The following SCGB2B2 variants were observed in gnomAD, a reference collection of about 807,000 sequenced individuals.
The protein encoded by SCGB2B2 is secretoglobin-like protein.
In SCGB2B2, 11 loss-of-function variants were observed where a neutral mutation model predicts 7.6. The observed-to-expected ratio is 1.45, with a 90% CI of 0.91 to 2.40. SCGB2B2 has a LOEUF of 2.40. Ranked by LOEUF, SCGB2B2 falls within the 30% of genes most tolerant of loss-of-function variation. The probability of loss-of-function intolerance (pLI) is 0.00; values close to 1 mark genes in which losing one functional copy is unlikely to be tolerated. For synonymous variants in SCGB2B2, 50 were observed against 48.6 expected (o/e 1.03, Z -0.12); for missense variants, 104 against 115.4 (o/e 0.90, Z 0.45).
chr19:34,629,580 C>T (rs956030178), intron 1 of SCGB2B2, among the ~76,000 whole-genome samples: 2 of 151,876 alleles, frequency 1.3e-5, no homozygotes, highest in Admixed American at 6.6e-5. Flanking sequence ...AGGACCTCTT[C>T]AAGGAGAACT....
chr19:34,593,592 A>T lies in SCGB2B2; in HGVS notation c.254T>A (p.Ile85Asn). The T allele has an allele frequency of 6.4e-7, 1 of 1,553,054 alleles. No homozygotes were observed. Among genetic ancestry groups the T allele is most frequent in the Non-Finnish European group, 8.7e-7 (1 of 1,147,718 alleles). Residue 85 changes from isoleucine (I) to asparagine (N), a missense_variant, in exon 4 of 4, where the codon ATC (isoleucine) becomes AAC (asparagine). Coordinates refer to ENST00000601241, the MANE Select transcript of SCGB2B2 (RefSeq NM_001025591.4). ...TTCTATGCAATCGTTGCTCTGAAGGATCTTCTTCTGTTGGAAAAAGAAGAA... is the reference window on the plus strand; with the variant it reads ...TTCTATGCAATCGTTGCTCTGAAGGTTCTTCTTCTGTTGGAAAAAGAAGAA... ...RFAHSVVIKK[I>N]LQSNDCIEAA... is the part of the protein sequence containing the mutation.
intron 2 of SCGB2B2, 39 bp downstream of exon 2, chr19:34,594,464 G>T (rs1438207698): frequency 1.2e-6 from 2 of 1,608,216 alleles, no homozygotes; most frequent in Non-Finnish European, 1.7e-6. Context: ...AAGGAGCAGG[G>T]CCACCGCTTC....
At position 34,663,990 on chromosome 19, in the gene SCGB2B2, C is replaced by A. The variant is rs574827861; in HGVS notation, c.-2032+11640G>T. On this transcript the variant is annotated intron_variant, in intron 1 of 3. Coordinates refer to ENST00000601241, the MANE Select transcript of SCGB2B2 (RefSeq NM_001025591.4). ...CTCCCCGCCCACCCCACCCCTCCCC[C>A]ATGGGACACCTCTGCTAAGGGACTA... 1.8e-3 allele frequency among the ~76,000 whole-genome samples: 264 copies of A among 149,562 alleles called. 1 individual carries two copies. The highest frequency in any genetic ancestry group is 0.014 in the Middle Eastern group (4 of 292).
At chr19:34,667,281 T>A (rs796382555) in intron 1 of SCGB2B2, among the ~76,000 whole-genome samples, 12 of 152,114 alleles carry the variant, frequency 7.9e-5, no homozygotes, top group African/African-American at 2.9e-4. Context: ...CTATCCCTCC[T>A]TCCCAGAAGA....
At chr19:34,617,364 G>A (rs1451236672) in intron 1 of SCGB2B2, among the ~76,000 whole-genome samples, 2 of 151,432 alleles carry the variant, frequency 1.3e-5, no homozygotes, top group African/African-American at 4.9e-5. Context: ...ATTTCATTGA[G>A]CAGTGGTTTG....
At chr19:34,667,704 G>A (rs1251626064) in intron 1 of SCGB2B2, among the ~76,000 whole-genome samples, 1 of 151,992 alleles carries the variant, frequency 6.6e-6, no homozygotes, top group Non-Finnish European at 1.5e-5. Flanking sequence ...TTGTTTGTGC[G>A]TTTTCCCCAA....
intron 1 of SCGB2B2, chr19:34,646,312 C>T (rs73042026): frequency 0.1 from 16,003 of 155,350 alleles, 938 homozygotes; most frequent in East Asian, 0.22. Flanking sequence ...CGGGAGAGGC[C>T]CAGGGACACA....
intron 1 of SCGB2B2, among the ~76,000 whole-genome samples, chr19:34,619,468 G>A (rs1023623572): frequency 3.9e-5 from 6 of 152,122 alleles, no homozygotes; most frequent in African/African-American, 1.2e-4. Context: ...TCTTAACTAA[G>A]AGGATGGTAA....
chr19:34,639,135 A>G (rs973198682), intron 1 of SCGB2B2, among the ~76,000 whole-genome samples: 1 of 152,160 alleles, frequency 6.6e-6, no homozygotes, highest in African/African-American at 2.4e-5. Flanking sequence ...AATCCATGGG[A>G]CCATAATCTG....
At chr19:34,670,765 T>C (rs1297787594) in intron 1 of SCGB2B2, among the ~76,000 whole-genome samples, 3 of 152,256 alleles carry the variant, frequency 2.0e-5, no homozygotes, top group African/African-American at 7.2e-5. Flanking sequence ...TTTTCTTTGA[T>C]TGAACATGTT....
chr19:34,631,601 G>A lies in SCGB2B2; in HGVS notation c.-2031-35007C>T, dbSNP rs367736411. ...ATACACTGAAACTATAAAAGATTGC[G>A]GAGAAAAATTAAAGATCTAAATAAA... On this transcript the variant is annotated intron_variant, in intron 1 of 3. Transcript: ENST00000601241. Among the ~76,000 whole-genome samples the A allele has an allele frequency of 5.2e-4, 79 of 152,058 alleles. 1 individual carries two copies. The highest frequency in any genetic ancestry group is 1.5e-3 in the African/African-American group (62 of 41,494).
intron 1 of SCGB2B2, among the ~76,000 whole-genome samples, chr19:34,641,677 A>T (rs1006032436): frequency 2.0e-4 from 30 of 152,040 alleles, no homozygotes; most frequent in Non-Finnish European, 4.0e-4. Flanking sequence ...GTTTTGGTTG[A>T]TCTTCTGTTA....
intron 1 of SCGB2B2, among the ~76,000 whole-genome samples, chr19:34,615,367 C>T (rs938317813): frequency 6.6e-6 from 1 of 151,840 alleles, no homozygotes; most frequent in Non-Finnish European, 1.5e-5. Context: ...TTTACCTTCT[C>T]ACTGAATTAG....
intron 1 of SCGB2B2, among the ~76,000 whole-genome samples, chr19:34,673,578 G>A (rs1456103714): frequency 2.0e-5 from 3 of 152,046 alleles, no homozygotes; most frequent in African/African-American, 7.3e-5. Flanking sequence ...CTTATATAGG[G>A]GTCTTATCTA....
intron 1 of SCGB2B2, among the ~76,000 whole-genome samples, chr19:34,603,557 T>A (rs887681550): frequency 6.6e-6 from 1 of 152,144 alleles, no homozygotes; most frequent in South Asian, 2.1e-4. Context: ...TTCTCATTGA[T>A]CTAAGTCCAT....
rs1282708966 is a variant in SCGB2B2, at chr19:34,629,375, C to T, written c.-2031-32781G>A. Among the ~76,000 whole-genome samples, 61 of 151,994 alleles carry T rather than the reference C, an allele frequency of 4.0e-4. 2 individuals carry two copies. Among genetic ancestry groups the T allele is most frequent in the South Asian group, 2.1e-4 (1 of 4,824 alleles). ...TGATTGTACATTTAGAAAACCCCAT[C>T]GTCTCAGCCCAAAATCTCCTTAAGC... On this transcript the variant is annotated intron_variant, in intron 1 of 3. Coordinates refer to ENST00000601241, the MANE Select transcript of SCGB2B2 (RefSeq NM_001025591.4).
intron 1 of SCGB2B2, among the ~76,000 whole-genome samples, chr19:34,602,734 T>C (rs1190015278): frequency 6.6e-6 from 1 of 152,190 alleles, no homozygotes; most frequent in African/African-American, 2.4e-5. Context: ...TCTCAGTTCA[T>C]TGTAGTAATA....
At chr19:34,652,909 G>GT (rs746527712) in intron 1 of SCGB2B2, among the ~76,000 whole-genome samples, 6 of 151,512 alleles carry the variant, frequency 4.0e-5, no homozygotes, top group Non-Finnish European at 8.8e-5. Context: ...GCACTCTCAT[G>GT]TTTATTGCAG....
intron 1 of SCGB2B2, among the ~76,000 whole-genome samples, chr19:34,601,219 A>T (rs1434730090): frequency 6.6e-6 from 1 of 152,172 alleles, no homozygotes; most frequent in Non-Finnish European, 1.5e-5. Flanking sequence ...TTTGCTTCTG[A>T]GTTCTCTATT....
Sources: gnomAD v4.1 joint callset for allele counts (sites outside exome capture counted in the v4.1 genomes callset) on GRCh38, gnomAD v4.1.1 for gene constraint, MANE v1.5 for transcripts, NCBI Gene and HGNC (gene_info 2026-07-23, HGNC 2026-07-21) for gene names.